KCNN2: variants seen among roughly 807,000 people sequenced by gnomAD.
KCNN2 encodes small conductance calcium-activated potassium channel protein 2.
KCNN2 carries 24 observed loss-of-function variants against 55.5 expected under a neutral mutation model. The observed-to-expected ratio is 0.43, with a 90% CI of 0.31 to 0.61. The LOEUF (loss-of-function observed/expected upper bound fraction) is 0.61, where lower values mean the gene tolerates loss of function less well. KCNN2 is among the 20% of genes least tolerant of loss of function. The pLI is 0.08. For synonymous variants in KCNN2, 431 were observed against 336.1 expected (o/e 1.28, Z -3.09); for missense variants, 754 against 853.6 (o/e 0.88, Z 1.45).
chr5:114,286,473 A>G (rs1305930012), intron 2 of KCNN2, among the ~76,000 whole-genome samples: 1 of 152,228 alleles, frequency 6.6e-6, no homozygotes, highest in Non-Finnish European at 1.5e-5. Context: ...CAGAGAAGTT[A>G]AGAAGAATGT....
chr5:114,261,917 A>G (rs1266774341), intron 2 of KCNN2, among the ~76,000 whole-genome samples: 4 of 152,224 alleles, frequency 2.6e-5, no homozygotes, highest in Non-Finnish European at 5.9e-5. Context: ...TTGGTTGGTC[A>G]ATAATAAACT....
Position 114,089,686 on chromosome 5 carries a change from TCTC to T in KCNN2, c.-271+33188_-271+33190del, listed in dbSNP as rs10588637. Among the ~76,000 whole-genome samples, 1,472 of 152,300 alleles carry T rather than the reference TCTC, an allele frequency of 9.7e-3. 29 individuals carry two copies. The highest frequency in any genetic ancestry group is 0.033 in the African/African-American group (1,373 of 41,550). ...ATTGCTGTTTTCCTTTTGTATTTCT[TCTC>T]CATAGAATGGGGTCTGAAAATTGCT... On this transcript the variant is annotated intron_variant, in intron 1 of 10. Coordinates refer to the KCNN2 transcript ENST00000512097.
chr5:114,322,496 T>C (rs773702935), intron 2 of KCNN2, among the ~76,000 whole-genome samples: 2 of 152,188 alleles, frequency 1.3e-5, no homozygotes, highest in Non-Finnish European at 2.9e-5. Flanking sequence ...AAATAAAATA[T>C]GTTCATTCCA....
chr5:114,101,572 C>G (rs866259270), intron 1 of KCNN2, among the ~76,000 whole-genome samples: 3 of 151,868 alleles, frequency 2.0e-5, no homozygotes, highest in Admixed American at 6.6e-5. Context: ...TCTCCTAATG[C>G]TGTCCCTCCC....
chr5:114,325,578 C>T (rs561732100), intron 2 of KCNN2, among the ~76,000 whole-genome samples: 55 of 152,254 alleles, frequency 3.6e-4, no homozygotes, highest in African/African-American at 1.3e-3. Flanking sequence ...AACTTAAAAG[C>T]CTTAATCGTC....
intron 2 of KCNN2, among the ~76,000 whole-genome samples, chr5:114,339,765 T>C (rs1024863897): frequency 2.0e-5 from 3 of 151,904 alleles, no homozygotes; most frequent in African/African-American, 7.3e-5. Flanking sequence ...ACCATGCTAC[T>C]GCACTTCAGC....
chr5:114,262,102 A>G (rs777805666), intron 2 of KCNN2, among the ~76,000 whole-genome samples: 4 of 152,184 alleles, frequency 2.6e-5, no homozygotes, highest in Non-Finnish European at 5.9e-5. Context: ...GTGTCAATTT[A>G]TATTTATTAG....
intron 2 of KCNN2, among the ~76,000 whole-genome samples, chr5:114,368,609 A>T (rs1757673248): frequency 6.6e-6 from 1 of 152,202 alleles, no homozygotes. Context: ...TTTGCAGACC[A>T]TGCAGAAAAT....
At chr5:114,312,479 A>C (rs1756425166) in intron 2 of KCNN2, among the ~76,000 whole-genome samples, 1 of 123,722 alleles carries the variant, frequency 8.1e-6, no homozygotes, top group Admixed American at 8.8e-5. Flanking sequence ...ATATATATGG[A>C]TCCAGCCTAG....
intron 2 of KCNN2, among the ~76,000 whole-genome samples, chr5:114,236,409 C>CAATTCAATTAT (rs1324085784): frequency 6.6e-6 from 1 of 151,824 alleles, no homozygotes; most frequent in African/African-American, 2.4e-5. Context: ...AATTCAATTA[C>CAATTCAATTAT]AGTTAGAATT....
intron 5 of KCNN2, among the ~76,000 whole-genome samples, chr5:114,476,559 C>T (rs1761976458): frequency 6.6e-6 from 1 of 151,758 alleles, no homozygotes; most frequent in Non-Finnish European, 1.5e-5. Flanking sequence ...GCTGGGATTA[C>T]AGGCATGCAC....
At chr5:114,430,849 T>A (rs338622) in intron 3 of KCNN2, among the ~76,000 whole-genome samples, 74,931 of 151,970 alleles carry the variant, frequency 0.49, 20,341 homozygotes, top group East Asian at 0.82. Flanking sequence ...TCTATTGATA[T>A]GATTATGTAA....
chr5:114,252,664 C>T (rs1166685654), intron 2 of KCNN2, among the ~76,000 whole-genome samples: 1 of 151,936 alleles, frequency 6.6e-6, no homozygotes, highest in Non-Finnish European at 1.5e-5. Context: ...TCCTTCCCCC[C>T]AACCCCCACC....
chr5:114,151,970 G>A (rs183093802), intron 1 of KCNN2, among the ~76,000 whole-genome samples: 1 of 152,250 alleles, frequency 6.6e-6, no homozygotes, highest in East Asian at 1.9e-4. Flanking sequence ...AGAGCAATAA[G>A]GCAGTGCCAG....
chr5:114,109,798 C>T (rs1336083311), intron 1 of KCNN2, among the ~76,000 whole-genome samples: 1 of 152,014 alleles, frequency 6.6e-6, no homozygotes, highest in African/African-American at 2.4e-5. Context: ...GGGATGTGTT[C>T]ACAGGTAGCA....
intron 3 of KCNN2, among the ~76,000 whole-genome samples, chr5:114,425,952 G>A (rs1759610355): frequency 6.6e-6 from 1 of 151,814 alleles, no homozygotes; most frequent in Non-Finnish European, 1.5e-5. Context: ...GGCCGAGGTG[G>A]GTGAATGACT....
At chr5:114,173,422 TTTG>T (rs998933193) in intron 1 of KCNN2, among the ~76,000 whole-genome samples, 6 of 139,438 alleles carry the variant, frequency 4.3e-5, no homozygotes, top group African/African-American at 1.6e-4. Context: ...TGGTGGGTTT[TTTG>T]TTTTTGTTTT....
chr5:114,444,536 C>T (rs1276860365), intron 3 of KCNN2, among the ~76,000 whole-genome samples: 1 of 151,952 alleles, frequency 6.6e-6, no homozygotes, highest in South Asian at 2.1e-4. Flanking sequence ...GAGGCCAGGC[C>T]AAAAAGAATG....
intron 1 of KCNN2, among the ~76,000 whole-genome samples, chr5:114,163,095 A>G (rs1423690160): frequency 2.6e-5 from 4 of 152,252 alleles, no homozygotes; most frequent in East Asian, 1.9e-4. Context: ...TGCGTCGCTC[A>G]GGCTGGGAGC....
Sources: gnomAD v4.1 joint callset for allele counts (sites outside exome capture counted in the v4.1 genomes callset) on GRCh38, gnomAD v4.1.1 for gene constraint, MANE v1.5 for transcripts, NCBI Gene and HGNC (gene_info 2026-07-23, HGNC 2026-07-21) for gene names.